SCFD2: variants seen among roughly 807,000 people sequenced by gnomAD.
SCFD2 encodes sec1 family domain-containing protein 2.
A neutral mutation model predicts 58.9 loss-of-function variants in SCFD2; 54 were observed. The observed-to-expected ratio is 0.92, with a 90% CI of 0.74 to 1.15. The LOEUF (loss-of-function observed/expected upper bound fraction) is 1.15. Among genes scored for constraint, SCFD2 ranks in the 50% most tolerant of loss-of-function variants. The pLI is 0.00. For missense variants in SCFD2, 805 were observed against 836.6 expected (o/e 0.96, Z 0.47); for synonymous variants, 321 against 335.9 (o/e 0.96, Z 0.49).
intron 5 of SCFD2, among the ~76,000 whole-genome samples, chr4:53,093,235 G>C (rs1237753292): frequency 6.6e-6 from 1 of 152,102 alleles, no homozygotes; most frequent in Admixed American, 6.6e-5. Flanking sequence ...CCAAAACAGT[G>C]ACTGCAAATG....
At chr4:52,879,719 C>T (rs1026055095) in intron 8 of SCFD2, among the ~76,000 whole-genome samples, 5 of 152,230 alleles carry the variant, frequency 3.3e-5, no homozygotes, top group Admixed American at 1.3e-4. Context: ...CTGGGCTTTC[C>T]GTTGCTCCAG....
intron 5 of SCFD2, among the ~76,000 whole-genome samples, chr4:52,990,974 G>A (rs750036727): frequency 6.6e-6 from 1 of 152,186 alleles, no homozygotes; most frequent in Non-Finnish European, 1.5e-5. Context: ...CTGGCTGTAG[G>A]TGGACAATGT....
intron 5 of SCFD2, among the ~76,000 whole-genome samples, chr4:52,982,186 A>G (rs577498017): frequency 6.6e-6 from 1 of 152,322 alleles, no homozygotes; most frequent in South Asian, 2.1e-4. Flanking sequence ...TGGAGGCTGC[A>G]CTGCATGGTG....
At chr4:53,335,395 T>C (rs1208711053) in intron 2 of SCFD2, among the ~76,000 whole-genome samples, 2 of 152,126 alleles carry the variant, frequency 1.3e-5, no homozygotes, top group East Asian at 3.9e-4. Flanking sequence ...ATGGGAAGAC[T>C]GAAGACTAAG....
At chr4:53,156,366 C>A (rs1264051002) in intron 4 of SCFD2, among the ~76,000 whole-genome samples, 2 of 145,572 alleles carry the variant, frequency 1.4e-5, no homozygotes, top group African/African-American at 5.1e-5. Context: ...TGCCATTGCA[C>A]TCCAGCCTGG....
At chr4:52,940,090 T>A (rs1348520188) in intron 5 of SCFD2, among the ~76,000 whole-genome samples, 1 of 152,260 alleles carries the variant, frequency 6.6e-6, no homozygotes, top group Non-Finnish European at 1.5e-5. Context: ...TCTTCCCTGC[T>A]GGGCTACGAC....
intron 4 of SCFD2, among the ~76,000 whole-genome samples, chr4:53,182,760 A>C (rs923650508): frequency 2.0e-5 from 3 of 152,170 alleles, no homozygotes; most frequent in African/African-American, 7.2e-5. Flanking sequence ...CTCATCTGAC[A>C]AAGGGCTAAT....
intron 5 of SCFD2, among the ~76,000 whole-genome samples, chr4:53,046,796 T>C (rs1723052207): frequency 6.6e-6 from 1 of 152,148 alleles, no homozygotes; most frequent in Non-Finnish European, 1.5e-5. Context: ...GCCTCCCAAG[T>C]AGCTGGGATT....
Position 53,160,300 on chromosome 4 carries a change from G to C in SCFD2, c.1312-14718C>G, listed in dbSNP as rs111619538. Among the ~76,000 whole-genome samples the C allele has an allele frequency of 8.9e-3, 1,355 of 152,272 alleles. 24 individuals are homozygous for C. Among genetic ancestry groups the C allele is most frequent in the African/African-American group, 0.031 (1,283 of 41,550 alleles). On this transcript the variant is annotated intron_variant, in intron 4 of 8. Transcript: ENST00000401642. ...TTTCTCATTTCGGCTATGGTGAAGAGAACAAACTAGAGGGACAAGGGTATA... is the reference window on the plus strand; with the variant it reads ...TTTCTCATTTCGGCTATGGTGAAGACAACAAACTAGAGGGACAAGGGTATA...
intron 2 of SCFD2, among the ~76,000 whole-genome samples, chr4:53,333,636 C>A (rs1381052858): frequency 6.8e-6 from 1 of 147,214 alleles, no homozygotes; most frequent in Non-Finnish European, 1.5e-5. Flanking sequence ...AGACCTAAAA[C>A]CATAAAAACC....
chr4:53,318,667 CT>C, intron 2 of SCFD2, among the ~76,000 whole-genome samples: 1 of 152,066 alleles, frequency 6.6e-6, no homozygotes, highest in East Asian at 1.9e-4. Flanking sequence ...AATCTTTTAT[CT>C]TAAGTTCAGG....
chr4:53,276,081 G>A (rs1731317986), intron 3 of SCFD2, among the ~76,000 whole-genome samples: 1 of 151,682 alleles, frequency 6.6e-6, no homozygotes, highest in African/African-American at 2.4e-5. Flanking sequence ...AAATTTCTAG[G>A]AGCAGGTTTC....
intron 4 of SCFD2, among the ~76,000 whole-genome samples, chr4:53,256,377 C>A (rs960821726): frequency 2.6e-5 from 4 of 151,752 alleles, no homozygotes; most frequent in African/African-American, 9.7e-5. Context: ...GGCGGCCGGG[C>A]AGAGACGCTC....
At chr4:52,922,487 T>C (rs991191491) in intron 5 of SCFD2, among the ~76,000 whole-genome samples, 1 of 152,210 alleles carries the variant, frequency 6.6e-6, no homozygotes, top group African/African-American at 2.4e-5. Context: ...TGTAATGTTT[T>C]CAGGGTTCAT....
At position 53,143,398 on chromosome 4, in the gene SCFD2, C is replaced by T. The variant is rs566463795; in HGVS notation, c.1561+1935G>A. 2.0e-5 allele frequency among the ~76,000 whole-genome samples: 3 copies of T among 152,274 alleles called. No individual in the cohort carries two copies. The East Asian group carries it at 5.8e-4, about 29-fold the overall frequency. ...AAGCACTGTATAAATCATATTAAAA[C>T]TTTCTAAGTTGATATTTATTGATGG... On this transcript the variant is annotated intron_variant, in intron 5 of 8. Coordinates refer to ENST00000401642, the MANE Select transcript of SCFD2 (RefSeq NM_152540.4).
At chr4:52,943,389 A>T (rs1304077884) in intron 5 of SCFD2, among the ~76,000 whole-genome samples, 2 of 151,640 alleles carry the variant, frequency 1.3e-5, no homozygotes, top group Non-Finnish European at 3.0e-5. Flanking sequence ...ACTTCCTCAC[A>T]GTAAATTTAT....
Position 52,970,798 on chromosome 4 carries a change from G to A in SCFD2, c.1562-49928C>T, listed in dbSNP as rs535262209. Among the ~76,000 whole-genome samples, 465 of 152,280 alleles carry A rather than the reference G, an allele frequency of 3.1e-3. 1 individual carries two copies. Among genetic ancestry groups the A allele is most frequent in the Non-Finnish European group, 5.0e-3 (343 of 68,016 alleles). On this transcript the variant is annotated intron_variant, in intron 5 of 8. Transcript: ENST00000401642. ...GGGCAGACTGACACCTCACACGGCC[G>A]GGTACTCCTCTGAGACGAAACTTCC...
intron 3 of SCFD2, among the ~76,000 whole-genome samples, chr4:53,299,579 T>C (rs1732192178): frequency 6.6e-6 from 1 of 151,758 alleles, no homozygotes; most frequent in African/African-American, 2.4e-5. Context: ...AACATTCAAA[T>C]TCAGGAAATA....
intron 5 of SCFD2, among the ~76,000 whole-genome samples, chr4:53,094,194 C>T (rs1268855580): frequency 6.6e-6 from 1 of 152,072 alleles, no homozygotes; most frequent in Non-Finnish European, 1.5e-5. Context: ...TTCCACTGTG[C>T]ATCACATTCC....
Sources: allele counts gnomAD v4.1 joint callset (sites outside exome capture counted in the v4.1 genomes callset), GRCh38; gene constraint gnomAD v4.1.1; transcripts MANE v1.5; gene names NCBI Gene and HGNC (gene_info 2026-07-23, HGNC 2026-07-21).